Variants in SGCD observed in about 807,000 individuals in gnomAD.
The protein encoded by SGCD is delta-sarcoglycan.
A neutral mutation model predicts 36.6 loss-of-function variants in SGCD; 18 were observed. The ratio of observed to expected loss-of-function variants is 0.49; its 90% CI spans 0.34 to 0.73. The LOEUF (loss-of-function observed/expected upper bound fraction) is 0.73. Ranked by LOEUF, SGCD falls within the 30% of genes least tolerant of loss-of-function variation. SGCD has a pLI of 0.01. For synonymous variants in SGCD, 133 were observed against 130.6 expected, an observed-to-expected ratio of 1.02 and a Z score of -0.12; for missense variants, 387 against 346.7, an observed-to-expected ratio of 1.12 and a Z score of -0.92.
chr5:155,750,950 C>T, the SGCD span, among the ~76,000 whole-genome samples: 2 of 152,136 alleles, frequency 1.3e-5, no homozygotes, highest in Non-Finnish European at 2.9e-5. Flanking sequence ...AGATGGTGGT[C>T]TTAGGGGATG....
At chr5:156,061,829 C>T (rs1760215634) in intron 1 of SGCD, among the ~76,000 whole-genome samples, 1 of 144,434 alleles carries the variant, frequency 6.9e-6, no homozygotes, top group African/African-American at 2.5e-5. Context: ...TGGAGTGTTC[C>T]TCCAAGTTAC....
At chr5:156,607,843 A>G (rs1336531069) in intron 6 of SGCD, among the ~76,000 whole-genome samples, 1 of 152,024 alleles carries the variant, frequency 6.6e-6, no homozygotes, top group Admixed American at 6.6e-5. Flanking sequence ...AGAGGTGTTT[A>G]TATTATTCTC....
At chr5:155,831,756 T>C in the SGCD span, among the ~76,000 whole-genome samples, 1 of 152,184 alleles carries the variant, frequency 6.6e-6, no homozygotes, top group Non-Finnish European at 1.5e-5. Flanking sequence ...TGATCTCACT[T>C]AGTAATTGCT....
chr5:155,887,704 T>C (rs1276919829), intron 1 of SGCD, among the ~76,000 whole-genome samples: 1 of 152,230 alleles, frequency 6.6e-6, no homozygotes, highest in African/African-American at 2.4e-5. Context: ...CAGTAGATGC[T>C]AGCTATTATA....
At chr5:155,909,819 A>T (rs1214441099) in intron 1 of SGCD, among the ~76,000 whole-genome samples, 2 of 150,218 alleles carry the variant, frequency 1.3e-5, no homozygotes, top group South Asian at 2.1e-4. Context: ...ATGAAGACCA[A>T]TTTTTTTTTT....
At chr5:155,918,549 T>G (rs571433831) in intron 1 of SGCD, among the ~76,000 whole-genome samples, 2 of 152,236 alleles carry the variant, frequency 1.3e-5, no homozygotes, top group East Asian at 3.9e-4. Context: ...GGGGACAGGG[T>G]GAGGCTCCAT....
chr5:156,715,829 A>C (rs1244979452), intron 7 of SGCD, among the ~76,000 whole-genome samples: 1 of 152,206 alleles, frequency 6.6e-6, no homozygotes, highest in Non-Finnish European at 1.5e-5. Context: ...TAGAGCAAGT[A>C]CTTTTCTGAG....
chr5:156,229,996 G>A (rs769377041), intron 3 of SGCD, among the ~76,000 whole-genome samples: 15 of 152,196 alleles, frequency 9.9e-5, no homozygotes, highest in South Asian at 2.1e-4. Context: ...AAGTATGTCC[G>A]TTGTTTCCTG....
At chr5:156,342,325 GC>G (rs538121074) in intron 2 of SGCD, among the ~76,000 whole-genome samples, 503 of 152,224 alleles carry the variant, frequency 3.3e-3, no homozygotes, top group African/African-American at 0.012. Context: ...TGTTTATCTT[GC>G]CTATGACAAT....
the SGCD span, among the ~76,000 whole-genome samples, chr5:155,814,389 C>T: frequency 6.6e-6 from 1 of 152,226 alleles, no homozygotes; most frequent in Non-Finnish European, 1.5e-5. Context: ...TCACCTCTTG[C>T]TACGTATTCT....
rs111341902 is a variant in SGCD, at chr5:156,200,071, A to G, written c.-44+76052A>G. The stretch of plus-strand genomic sequence containing the variant: ...ATACTTATAGCTTGGAAGACTTAAT[A>G]TTGTTAAAATGCTCATACTACACAA... On this transcript the variant is annotated intron_variant, in intron 3 of 9. Coordinates refer to the SGCD transcript ENST00000517913. Among the ~76,000 whole-genome samples, 7 of 152,286 alleles carry G rather than the reference A, an allele frequency of 4.6e-5. 1 individual carries two copies. The highest frequency in any genetic ancestry group is 1.7e-4 in the African/African-American group (7 of 41,586).
chr5:156,285,086 C>G (rs1047828420), intron 3 of SGCD, among the ~76,000 whole-genome samples: 14 of 151,974 alleles, frequency 9.2e-5, no homozygotes, highest in African/African-American at 2.4e-4. Context: ...GCTTCAAAGA[C>G]AATAAAATAC....
chr5:156,216,976 G>C (rs1359383941), intron 3 of SGCD, among the ~76,000 whole-genome samples: 4 of 152,192 alleles, frequency 2.6e-5, no homozygotes, highest in Non-Finnish European at 5.9e-5. Flanking sequence ...TACTCTGGAG[G>C]TTGAGGCAGG....
intron 1 of SGCD, among the ~76,000 whole-genome samples, chr5:155,995,465 G>A (rs1476514816): frequency 2.6e-5 from 4 of 152,114 alleles, no homozygotes; most frequent in African/African-American, 9.7e-5. Flanking sequence ...TGTAAGTTGT[G>A]ATATGTTAAA....
Position 156,757,582 on chromosome 5 carries a change from TTGGAGTCCCCAACCCGGTCTCTAGTGA to T in SGCD, c.583_609del (p.Ser195_Glu203del), listed in dbSNP as rs1383924451. 1 of 1,595,044 alleles carries T rather than the reference TTGGAGTCCCCAACCCGGTCTCTAGTGA, an allele frequency of 6.3e-7. No homozygotes were observed. The highest frequency in any genetic ancestry group is 1.3e-5 in the African/African-American group (1 of 74,342). On this transcript the variant is annotated inframe_deletion and splice_region_variant, in exon 8 of 9. Transcript: ENST00000337851. ...TTGACGATCTTGGGTGTTTTTCAGGTTGGAGTCCCCAACCCGGTCTCTAGTGATGGAGGCCCCAAAAGGAGTGGAAAT... is the reference window on the plus strand; with the variant it reads ...TTGACGATCTTGGGTGTTTTTCAGGTTGGAGGCCCCAAAAGGAGTGGAAAT...
chr5:156,765,214 T>G lies in SGCD; in HGVS notation c.*5824T>G, dbSNP rs1026739156. ...CACATCCTACTTCTACATTTGGGGT[T>G]TTTTGGTGAAATCAGAGATAGCTCA... On this transcript the variant is annotated 3_prime_UTR_variant, in exon 9 of 9. Transcript: ENST00000337851. The G allele has an allele frequency of 5.9e-5, 9 of 152,234 alleles. No homozygotes were observed. The highest frequency in any genetic ancestry group is 1.9e-4 in the African/African-American group (8 of 41,460). The allele number at this position is 152,234 out of a possible 1,614,324, so 9.4% of individuals were successfully genotyped here. A position where few individuals can be genotyped will look rare whatever the true frequency, so the allele number is the denominator to read the frequency against.
intron 3 of SGCD, among the ~76,000 whole-genome samples, chr5:156,358,134 A>G (rs539385227): frequency 1.3e-5 from 2 of 152,336 alleles, no homozygotes; most frequent in South Asian, 2.1e-4. Flanking sequence ...TCTTAATTAT[A>G]TGATAAAATA....
At chr5:155,959,729 A>G (rs1164842942) in intron 1 of SGCD, among the ~76,000 whole-genome samples, 2 of 152,148 alleles carry the variant, frequency 1.3e-5, no homozygotes, top group Non-Finnish European at 1.5e-5. Context: ...TGTTAGCTAT[A>G]TATTTAGCAA....
the SGCD span, among the ~76,000 whole-genome samples, chr5:155,808,757 AATG>A: frequency 1.3e-5 from 2 of 152,150 alleles, no homozygotes; most frequent in Non-Finnish European, 2.9e-5. Context: ...TGTTTAAAAC[AATG>A]ATGATGATGA....
Sources: gnomAD v4.1 joint callset for allele counts (sites outside exome capture counted in the v4.1 genomes callset) on GRCh38, gnomAD v4.1.1 for gene constraint, MANE v1.5 for transcripts, NCBI Gene and HGNC (gene_info 2026-07-23, HGNC 2026-07-21) for gene names.